SRFBP1: variants seen among roughly 807,000 people sequenced by gnomAD.
SRFBP1 encodes the protein serum response factor-binding protein 1.
A neutral mutation model predicts 45.5 loss-of-function variants in SRFBP1; 47 were observed. That is an observed-to-expected ratio of 1.03 (90% CI 0.82 to 1.32). SRFBP1 has a LOEUF of 1.32. Among genes scored for constraint, SRFBP1 ranks in the 40% most tolerant of loss-of-function variants. SRFBP1 has a pLI of 0.00. For synonymous variants in SRFBP1, 203 were observed against 166.3 expected, an observed-to-expected ratio of 1.22 and a Z score of -1.70; for missense variants, 621 against 484.6, an observed-to-expected ratio of 1.28 and a Z score of -2.64.
intron 3 of SRFBP1, among the ~76,000 whole-genome samples, chr5:121,992,187 C>G (rs1353473155): frequency 2.6e-4 from 39 of 152,014 alleles, no homozygotes; most frequent in Non-Finnish European, 4.4e-5. Flanking sequence ...TTTCTGTAGA[C>G]TTTCAGTGGG....
rs547935579 is a variant in SRFBP1, at chr5:122,068,263, A to G, written n.312-7052A>G. On this transcript the variant is annotated intron_variant and non_coding_transcript_variant, in intron 2 of 2. Coordinates refer to the SRFBP1 transcript ENST00000504881. ...TACAGTCATATTGCTGGAGCAATAC[A>G]ACAATTTTTATTTCTTCTAAATATC... Among the ~76,000 whole-genome samples, 20 of 152,084 alleles carry G rather than the reference A, an allele frequency of 1.3e-4. 1 individual carries two copies. Among genetic ancestry groups the G allele is most frequent in the African/African-American group, 4.8e-4 (20 of 41,510 alleles).
exon 3 of SRFBP1, chr5:122,075,372 C>T: frequency 1.3e-6 from 2 of 1,551,344 alleles, no homozygotes; most frequent in Non-Finnish European, 1.7e-6. Flanking sequence ...TGAAAAGCAA[C>T]CCAAAAGTAC....
At chr5:121,998,869 A>G (rs186852754) in intron 4 of SRFBP1, among the ~76,000 whole-genome samples, 135 of 151,664 alleles carry the variant, frequency 8.9e-4, no homozygotes, top group African/African-American at 2.3e-3. Context: ...TACATCTTCC[A>G]CTCTTTGGAT....
rs779946411 is a variant in SRFBP1, at chr5:121,962,047, A to T, written c.15A>T (p.Gly5=). 1.9e-6 allele frequency: 3 copies of T among 1,614,068 alleles called. No homozygotes were observed. Among genetic ancestry groups the T allele is most frequent in the Admixed American group, 1.7e-5 (1 of 60,004 alleles). ...CTTCATCTACCATGGCTCAGCCGGG[A>T]ACTCTGAACCTCAATAACGAGGTGA... is the stretch of plus-strand genomic sequence containing the variant. MAQP[G]TLNLNNEVVK... The change falls in exon 1 of 8, where the codon GGA becomes GGT. Residue 5 remains glycine, a synonymous_variant. Coordinates refer to ENST00000339397, the MANE Select transcript of SRFBP1 (RefSeq NM_152546.3).
chr5:122,048,186 C>T (rs931122438), intron 2 of SRFBP1, among the ~76,000 whole-genome samples: 2 of 152,082 alleles, frequency 1.3e-5, no homozygotes, highest in African/African-American at 2.4e-5. Flanking sequence ...GTGGGTTTGT[C>T]GTAGATAGCT....
At chr5:121,985,152 A>G (rs1752485778) in intron 3 of SRFBP1, among the ~76,000 whole-genome samples, 1 of 151,804 alleles carries the variant, frequency 6.6e-6, no homozygotes, top group African/African-American at 2.4e-5. Flanking sequence ...AGAGAGCTTC[A>G]CTGGGATGTA....
chr5:121,988,833 C>A (rs1346529709), intron 3 of SRFBP1, among the ~76,000 whole-genome samples: 1 of 152,154 alleles, frequency 6.6e-6, no homozygotes, highest in Non-Finnish European at 1.5e-5. Flanking sequence ...GTTGAGCAAC[C>A]TAAATTTTCT....
At chr5:122,047,639 G>T (rs1423025782) in intron 2 of SRFBP1, among the ~76,000 whole-genome samples, 2 of 152,146 alleles carry the variant, frequency 1.3e-5, no homozygotes, top group African/African-American at 4.8e-5. Flanking sequence ...ACCTTGGGCA[G>T]TATGGCCATT....
chr5:122,041,950 T>G (rs771954976), intron 2 of SRFBP1, among the ~76,000 whole-genome samples: 1 of 152,212 alleles, frequency 6.6e-6, no homozygotes, highest in Non-Finnish European at 1.5e-5. Flanking sequence ...TAGACAGATA[T>G]GGTGTTAAGA....
chr5:121,998,116 A>C (rs540722442), intron 4 of SRFBP1, among the ~76,000 whole-genome samples: 4,142 of 151,128 alleles, frequency 0.027, 201 homozygotes, highest in African/African-American at 0.095. Flanking sequence ...GCGATTCCTC[A>C]GGGATCTAGA....
intron 6 of SRFBP1, among the ~76,000 whole-genome samples, chr5:122,021,408 A>G (rs1050085632): frequency 2.0e-5 from 3 of 152,166 alleles, no homozygotes; most frequent in Admixed American, 6.5e-5. Context: ...AGTGAAGGTT[A>G]TGGTTAGCTA....
intron 2 of SRFBP1, among the ~76,000 whole-genome samples, chr5:122,069,456 T>C (rs1754390828): frequency 6.6e-6 from 1 of 152,154 alleles, no homozygotes; most frequent in Admixed American, 6.6e-5. Context: ...AGCACCTCCC[T>C]GTGAATAGAT....
Position 121,962,016 on chromosome 5 carries a change from A to C in SRFBP1, c.-17A>C, listed in dbSNP as rs1383579417. ...GTTCACGTGCAGGCAGCGGCGGATC[A>C]TATTCCTTCATCTACCATGGCTCAG... is the stretch of plus-strand genomic sequence containing the variant. On this transcript the variant is annotated 5_prime_UTR_variant, in exon 1 of 8. Transcript: ENST00000339397. The C allele has an allele frequency of 1.3e-6, 2 of 1,483,848 alleles. No individual in the cohort carries two copies. The highest frequency in any genetic ancestry group is 3.0e-5 in the African/African-American group (2 of 67,402). 91.9% of individuals were successfully genotyped at this position (1,483,848 alleles called of 1,614,324 possible).
chr5:122,003,083 C>T (rs941229629), intron 4 of SRFBP1, among the ~76,000 whole-genome samples: 1 of 152,120 alleles, frequency 6.6e-6, no homozygotes, highest in Non-Finnish European at 1.5e-5. Flanking sequence ...GCGGCTCACC[C>T]TGTAGTCCCA....
intron 2 of SRFBP1, among the ~76,000 whole-genome samples, chr5:122,034,958 C>G (rs1184027423): frequency 1.3e-5 from 2 of 152,170 alleles, no homozygotes; most frequent in Non-Finnish European, 2.9e-5. Context: ...CCAGGAGTGT[C>G]TGTTGCCCCT....
intron 2 of SRFBP1, among the ~76,000 whole-genome samples, chr5:122,059,322 G>C (rs1288069969): frequency 6.6e-6 from 1 of 152,094 alleles, no homozygotes; most frequent in African/African-American, 2.4e-5. Flanking sequence ...ATTTCCCAGA[G>C]AGCAGGTTGC....
intron 2 of SRFBP1, among the ~76,000 whole-genome samples, chr5:122,062,339 A>G (rs893301900): frequency 2.0e-5 from 3 of 152,008 alleles, no homozygotes; most frequent in African/African-American, 7.2e-5. Flanking sequence ...AAAGTGATTT[A>G]TTCAACCTGT....
At chr5:122,026,711 A>G (rs1753487764) in intron 7 of SRFBP1, among the ~76,000 whole-genome samples, 1 of 152,176 alleles carries the variant, frequency 6.6e-6, no homozygotes, top group Non-Finnish European at 1.5e-5. Context: ...GAGGCACTCA[A>G]TAAACATCTA....
rs147093667 is a variant in SRFBP1 at position 122,012,161 on chromosome 5, A to G, written c.271-7099A>G. 7.2e-5 allele frequency among the ~76,000 whole-genome samples: 11 copies of G among 152,198 alleles called. No individual in the cohort carries two copies. In the East Asian group the frequency reaches 1.9e-3, roughly 27 times the overall value. On this transcript the variant is annotated intron_variant, in intron 4 of 7. Coordinates refer to ENST00000339397, the MANE Select transcript of SRFBP1 (RefSeq NM_152546.3). ...CAAGCCTAGAAGGTTAGTCTAATTG[A>G]TTGATAAAATCTTTGGTCCATTTCC...
Sources: gnomAD v4.1 joint callset for allele counts (sites outside exome capture counted in the v4.1 genomes callset) on GRCh38, gnomAD v4.1.1 for gene constraint, MANE v1.5 for transcripts, NCBI Gene and HGNC (gene_info 2026-07-23, HGNC 2026-07-21) for gene names.